Variants in AGBL1 observed in about 807,000 individuals in gnomAD.
The protein encoded by AGBL1 is AGBL carboxypeptidase 1, also known as cytosolic carboxypeptidase 4.
AGBL1 carries 130 observed loss-of-function variants against 118.9 expected under a neutral mutation model. The ratio of observed to expected loss-of-function variants is 1.09; its 90% CI spans 0.95 to 1.26. The LOEUF is 1.26. Among genes scored for constraint, AGBL1 ranks in the 50% most tolerant of loss-of-function variants. The pLI, the probability that AGBL1 is intolerant of heterozygous loss-of-function variation, is 0.00. For synonymous variants in AGBL1, 555 were observed against 478.9 expected (o/e 1.16, Z -2.08); for missense variants, 1,584 against 1,298.1 (o/e 1.22, Z -3.38).
At chr15:86,639,221 A>C (rs149176282) in intron 21 of AGBL1, among the ~76,000 whole-genome samples, 166 of 152,336 alleles carry the variant, frequency 1.1e-3, no homozygotes, top group African/African-American at 3.9e-3. Context: ...ACAGAGGCAC[A>C]AATACAGGAG....
intron 22 of AGBL1, among the ~76,000 whole-genome samples, chr15:86,888,026 C>T (rs1022686731): frequency 5.3e-5 from 8 of 152,050 alleles, no homozygotes; most frequent in South Asian, 2.1e-4. Flanking sequence ...CTCACCACTC[C>T]GGCTGCCTCT....
intron 17 of AGBL1, among the ~76,000 whole-genome samples, chr15:86,301,399 CTT>C (rs373724808): frequency 7.0e-6 from 1 of 141,926 alleles, no homozygotes. Flanking sequence ...TCTTGGCAAT[CTT>C]TTTTTTTTTT....
chr15:86,965,821 A>G (rs1416129942), intron 23 of AGBL1, among the ~76,000 whole-genome samples: 1 of 152,060 alleles, frequency 6.6e-6, no homozygotes, highest in South Asian at 2.1e-4. Flanking sequence ...CCATGGACAC[A>G]GGGAGGGAAC....
At chr15:86,232,668 G>T (rs1004510902) in intron 6 of AGBL1, among the ~76,000 whole-genome samples, 3 of 152,120 alleles carry the variant, frequency 2.0e-5, no homozygotes, top group African/African-American at 7.2e-5. Context: ...GGAGCACCCG[G>T]AGCTGCTTTT....
At chr15:86,345,563 G>A (rs985101771) in intron 17 of AGBL1, among the ~76,000 whole-genome samples, 1 of 152,218 alleles carries the variant, frequency 6.6e-6, no homozygotes, top group African/African-American at 2.4e-5. Context: ...TTCTGTGGAA[G>A]TGACATTTAC....
intron 10 of AGBL1, among the ~76,000 whole-genome samples, chr15:86,263,736 G>A (rs1421927891): frequency 6.6e-6 from 1 of 152,098 alleles, no homozygotes; most frequent in African/African-American, 2.4e-5. Context: ...TTTTAGACCT[G>A]CTTTTTGATC....
intron 21 of AGBL1, among the ~76,000 whole-genome samples, chr15:86,567,100 G>T (rs2083928576): frequency 6.6e-6 from 1 of 152,092 alleles, no homozygotes; most frequent in South Asian, 2.1e-4. Context: ...ATTAATGGTG[G>T]TTTTCTTTTT....
chr15:86,650,306 A>G (rs2085348921), intron 21 of AGBL1, among the ~76,000 whole-genome samples: 1 of 152,182 alleles, frequency 6.6e-6, no homozygotes, highest in Non-Finnish European at 1.5e-5. Context: ...ATCAGATGAA[A>G]GTGAAAGTGG....
rs1361659351 is a variant in AGBL1 at position 86,243,103 on chromosome 15, A to G, written c.527-4568A>G. On this transcript the variant is annotated intron_variant, in intron 6 of 22. Coordinates refer to ENST00000614907, the MANE Select transcript of AGBL1 (RefSeq NM_001386094.1). ...CTTGCCTTGACAACACTGTGTGGCTAATAGTCTGTAGGTTACCAGTTTGTA... is the reference window on the plus strand; with the variant it reads ...CTTGCCTTGACAACACTGTGTGGCTGATAGTCTGTAGGTTACCAGTTTGTA... 2.1e-4 allele frequency among the ~76,000 whole-genome samples: 32 copies of G among 152,324 alleles called. 1 individual carries two copies. Among genetic ancestry groups the G allele is most frequent in the Non-Finnish European group, 1.5e-5 (1 of 68,034 alleles).
intron 16 of AGBL1, among the ~76,000 whole-genome samples, chr15:86,285,892 T>A (rs1004649396): frequency 6.6e-6 from 1 of 152,158 alleles, no homozygotes; most frequent in African/African-American, 2.4e-5. Context: ...TGATACTTTT[T>A]GACTTTTTGT....
intron 17 of AGBL1, among the ~76,000 whole-genome samples, chr15:86,383,831 T>C (rs1009874420): frequency 6.6e-6 from 1 of 152,172 alleles, no homozygotes; most frequent in African/African-American, 2.4e-5. Flanking sequence ...TAATACTTTT[T>C]TTCAGGCAAA....
At chr15:86,466,584 G>A (rs1244221888) in intron 18 of AGBL1, among the ~76,000 whole-genome samples, 1 of 152,156 alleles carries the variant, frequency 6.6e-6, no homozygotes, top group Non-Finnish European at 1.5e-5. Context: ...TCTGATTTTT[G>A]GAATTTTCAG....
At chr15:86,699,984 C>T (rs895582738) in intron 22 of AGBL1, among the ~76,000 whole-genome samples, 1 of 151,934 alleles carries the variant, frequency 6.6e-6, no homozygotes. Context: ...TTTCCAATTC[C>T]ATTATTTCCT....
At chr15:86,718,746 A>C (rs1165974808) in intron 22 of AGBL1, among the ~76,000 whole-genome samples, 1 of 152,142 alleles carries the variant, frequency 6.6e-6, no homozygotes, top group Non-Finnish European at 1.5e-5. Flanking sequence ...TGTAGCCAGG[A>C]GGAGGCCAGG....
intron 23 of AGBL1, among the ~76,000 whole-genome samples, chr15:86,967,744 T>C (rs1233978645): frequency 6.6e-6 from 1 of 152,268 alleles, no homozygotes; most frequent in African/African-American, 2.4e-5. Flanking sequence ...TAGTATAGTT[T>C]GAAGTTACGT....
chr15:86,714,739 G>T (rs538951681), intron 22 of AGBL1, among the ~76,000 whole-genome samples: 1 of 151,990 alleles, frequency 6.6e-6, no homozygotes, highest in Non-Finnish European at 1.5e-5. Flanking sequence ...AGAGAAGAAG[G>T]CTTCCTGATG....
chr15:86,664,042 C>A lies in AGBL1; in HGVS notation c.2995-10231C>A, dbSNP rs554161814. The stretch of plus-strand genomic sequence containing the variant: ...ATAAAAGACCCAAAGGAAGGTCCAG[C>A]ATAGAAATGAAGGACATGTTTGAAG... On this transcript the variant is annotated intron_variant, in intron 21 of 22. Transcript: ENST00000614907. Among the ~76,000 whole-genome samples the A allele has an allele frequency of 6.6e-5, 10 of 152,216 alleles. No homozygotes were observed. In the South Asian group the frequency reaches 2.1e-3, roughly 32 times the overall value.
In AGBL1 at chr15:86,114,835, A is replaced by C. The variant is rs576496516; in HGVS notation, c.52-27169A>C. On this transcript the variant is annotated intron_variant, in intron 1 of 22. Coordinates refer to ENST00000614907, the MANE Select transcript of AGBL1 (RefSeq NM_001386094.1). ...ATCCTATAACGAGATGCTGAGGTCCAACGCTACAAGTCTGTTTCTCAGTGA... is the reference window on the plus strand; with the variant it reads ...ATCCTATAACGAGATGCTGAGGTCCCACGCTACAAGTCTGTTTCTCAGTGA... Among the ~76,000 whole-genome samples the C allele has an allele frequency of 6.2e-4, 95 of 152,346 alleles. 1 individual carries two copies. Among genetic ancestry groups the C allele is most frequent in the African/African-American group, 2.2e-3 (93 of 41,584 alleles).
At chr15:86,453,677 AC>A (rs2082225685) in intron 18 of AGBL1, among the ~76,000 whole-genome samples, 1 of 152,114 alleles carries the variant, frequency 6.6e-6, no homozygotes, top group Non-Finnish European at 1.5e-5. Context: ...CCAGTGCCTG[AC>A]CCTAAAATAA....
Sources: allele counts gnomAD v4.1 joint callset (sites outside exome capture counted in the v4.1 genomes callset), GRCh38; gene constraint gnomAD v4.1.1; transcripts MANE v1.5; gene names NCBI Gene and HGNC (gene_info 2026-07-23, HGNC 2026-07-21).